Variants in SLC49A4 observed in about 807,000 individuals in gnomAD.
SLC49A4 encodes the protein solute carrier family 49 member 4.
SLC49A4 carries 36 observed loss-of-function variants against 50.6 expected under a neutral mutation model. The ratio of observed to expected loss-of-function variants is 0.71; its 90% CI spans 0.55 to 0.94. The LOEUF is 0.94. Among genes scored for constraint, SLC49A4 ranks in the 40% least tolerant of loss-of-function variants. SLC49A4 has a pLI of 0.00. For missense variants in SLC49A4, 503 were observed against 605.7 expected (o/e 0.83, Z 1.78); for synonymous variants, 248 against 241.2 (o/e 1.03, Z -0.26).
intron 2 of SLC49A4, among the ~76,000 whole-genome samples, chr3:122,815,645 T>C (rs1936355231): frequency 1.3e-5 from 2 of 152,336 alleles, no homozygotes; most frequent in South Asian, 4.1e-4. Flanking sequence ...TGGAGAAAAC[T>C]CAAAGTCCTG....
At chr3:122,810,648 A>G (rs955755431) in intron 2 of SLC49A4, among the ~76,000 whole-genome samples, 4 of 152,268 alleles carry the variant, frequency 2.6e-5, no homozygotes, top group African/African-American at 9.6e-5. Context: ...GTAGGTAAAC[A>G]TGTGCAACAC....
At chr3:122,866,976 G>A (rs1458567582) in intron 7 of SLC49A4, among the ~76,000 whole-genome samples, 1 of 152,138 alleles carries the variant, frequency 6.6e-6, no homozygotes, top group Non-Finnish European at 1.5e-5. Context: ...GGCAGCAGGT[G>A]TCCATCATAT....
At chr3:122,861,350 G>C (rs1188369217) in intron 7 of SLC49A4, among the ~76,000 whole-genome samples, 1 of 152,170 alleles carries the variant, frequency 6.6e-6, no homozygotes, top group African/African-American at 2.4e-5. Context: ...ATAAACCAGA[G>C]ACTCTGTTAT....
At chr3:122,869,979 T>C (rs180711468) in intron 7 of SLC49A4, among the ~76,000 whole-genome samples, 55 of 145,790 alleles carry the variant, frequency 3.8e-4, no homozygotes, top group Non-Finnish European at 7.5e-4. Flanking sequence ...TTCAAGACTC[T>C]ATATTGATAG....
At chr3:122,862,696 G>T (rs1937071732) in intron 7 of SLC49A4, among the ~76,000 whole-genome samples, 1 of 152,174 alleles carries the variant, frequency 6.6e-6, no homozygotes, top group Admixed American at 6.5e-5. Flanking sequence ...ACATAGTCAT[G>T]AGTACATAAA....
intron 2 of SLC49A4, among the ~76,000 whole-genome samples, chr3:122,826,578 G>T (rs1434828145): frequency 1.3e-5 from 2 of 152,142 alleles, no homozygotes; most frequent in African/African-American, 4.8e-5. Flanking sequence ...AAATATTTGT[G>T]AAATGAATAA....
chr3:122,796,845 T>C (rs900177009), intron 1 of SLC49A4, among the ~76,000 whole-genome samples: 2 of 152,132 alleles, frequency 1.3e-5, no homozygotes, highest in East Asian at 3.9e-4. Flanking sequence ...ATGGCACCAC[T>C]GCACTCTGCC....
chr3:122,862,026 G>C (rs1937063108), intron 7 of SLC49A4, among the ~76,000 whole-genome samples: 2 of 152,218 alleles, frequency 1.3e-5, no homozygotes, highest in Non-Finnish European at 2.9e-5. Context: ...AAAAATTAGT[G>C]TGGAACACAA....
intron 2 of SLC49A4, among the ~76,000 whole-genome samples, chr3:122,818,956 A>C (rs1387904602): frequency 6.6e-6 from 1 of 151,890 alleles, no homozygotes; most frequent in African/African-American, 2.4e-5. Flanking sequence ...CCCCCAAAAA[A>C]AAAAATATTG....
rs374288059 is a variant in SLC49A4, at chr3:122,806,862, C to T, written c.349C>T (p.Arg117Trp). 13 of 1,598,736 alleles carry T rather than the reference C, an allele frequency of 8.1e-6. No individual in the cohort carries two copies. Among genetic ancestry groups the T allele is most frequent in the Non-Finnish European group, 1.1e-5 (13 of 1,167,088 alleles). ...ATGTCTTTGTTTCATTTTAGGTCTC[C>T]GGATAACTGTGCTCCTGACATCCTT... Reference protein sequence around the residue: ...FMWLLDKRGLRITVLLTSFLM... With the variant: ...FMWLLDKRGLWITVLLTSFLM... Residue 117 changes from arginine to tryptophan, a missense_variant, in exon 2 of 9, where the codon CGG becomes TGG. Arg to Trp is a moderately radical substitution (Grantham distance 101). Transcript: ENST00000261038.
At chr3:122,854,850 G>A (rs540256289) in intron 5 of SLC49A4, among the ~76,000 whole-genome samples, 15 of 152,300 alleles carry the variant, frequency 9.8e-5, no homozygotes, top group African/African-American at 2.6e-4. Context: ...CCAGCACTTT[G>A]GGAGGCCGAG....
At chr3:122,843,462 T>G (rs1936803332) in intron 4 of SLC49A4, among the ~76,000 whole-genome samples, 1 of 152,214 alleles carries the variant, frequency 6.6e-6, no homozygotes, top group African/African-American at 2.4e-5. Flanking sequence ...TTTTAACATA[T>G]AGTGCCGTTA....
rs1265873205 is a variant in SLC49A4, at chr3:122,833,434, G to A, written c.821G>A (p.Cys274Tyr). Residue 274 changes from cysteine (C) to tyrosine (Y), a missense_variant, in exon 4 of 9, where the codon TGT becomes TAT. Coordinates refer to ENST00000261038, the MANE Select transcript of SLC49A4 (RefSeq NM_032839.3). The part of the protein sequence containing the change: ...SQRLSYRRSV[C>Y]RLLSNFRFLM... ...CGGCTGAGTTATCGGAGAAGCGTTTGTAGATTATTAAGGTAAATATACTGA... is the reference window on the plus strand; with the variant it reads ...CGGCTGAGTTATCGGAGAAGCGTTTATAGATTATTAAGGTAAATATACTGA... 1.2e-6 allele frequency: 2 copies of A among 1,613,064 alleles called. No individual in the cohort carries two copies. Among genetic ancestry groups the A allele is most frequent in the African/African-American group, 1.3e-5 (1 of 74,844 alleles).
chr3:122,807,923 T>C (rs1456301116), intron 2 of SLC49A4, among the ~76,000 whole-genome samples: 1 of 152,200 alleles, frequency 6.6e-6, no homozygotes. Flanking sequence ...GTATCAGACC[T>C]ATGTTATATT....
At chr3:122,857,086 C>T (rs1318121468) in intron 6 of SLC49A4, among the ~76,000 whole-genome samples, 1 of 151,798 alleles carries the variant, frequency 6.6e-6, no homozygotes, top group Non-Finnish European at 1.5e-5. Flanking sequence ...TAGAACTTTC[C>T]ATGAACAGGC....
chr3:122,813,590 A>C (rs565407795), intron 2 of SLC49A4, among the ~76,000 whole-genome samples: 1 of 152,304 alleles, frequency 6.6e-6, no homozygotes, highest in East Asian at 1.9e-4. Flanking sequence ...GTTGAAATTT[A>C]TTAAGAATAT....
At chr3:122,836,858 A>G (rs892940826) in intron 4 of SLC49A4, among the ~76,000 whole-genome samples, 2 of 152,236 alleles carry the variant, frequency 1.3e-5, no homozygotes, top group African/African-American at 4.8e-5. Flanking sequence ...AAGCGACTTC[A>G]GCAAAGTCTC....
intron 2 of SLC49A4, among the ~76,000 whole-genome samples, chr3:122,824,074 T>G (rs554558319): frequency 3.9e-5 from 6 of 152,346 alleles, no homozygotes; most frequent in Admixed American, 1.3e-4. Flanking sequence ...AGGTTTCTCA[T>G]GAATTCAGAG....
intron 1 of SLC49A4, among the ~76,000 whole-genome samples, chr3:122,805,720 G>T: frequency 6.6e-6 from 1 of 152,188 alleles, no homozygotes; most frequent in East Asian, 1.9e-4. Context: ...CCAACAATAG[G>T]AGGATAGAGT....
Sources: allele counts gnomAD v4.1 joint callset (sites outside exome capture counted in the v4.1 genomes callset), GRCh38; gene constraint gnomAD v4.1.1; transcripts MANE v1.5; gene names NCBI Gene and HGNC (gene_info 2026-07-23, HGNC 2026-07-21).